Variants in ADAMTSL1 observed in about 807,000 individuals in gnomAD.
ADAMTSL1 encodes the protein ADAMTS like 1.
ADAMTSL1 carries 126 observed loss-of-function variants against 201.8 expected under a neutral mutation model. The ratio of observed to expected loss-of-function variants is 0.62; its 90% CI spans 0.54 to 0.72. The LOEUF (loss-of-function observed/expected upper bound fraction) is 0.72, where lower values mean the gene tolerates loss of function less well. Ranked by LOEUF, ADAMTSL1 falls within the 30% of genes least tolerant of loss-of-function variation. ADAMTSL1 has a pLI of 0.00. For synonymous variants in ADAMTSL1, 1,121 were observed against 903.4 expected, an observed-to-expected ratio of 1.24 and a Z score of -4.32; for missense variants, 2,679 against 2,277.8, an observed-to-expected ratio of 1.18 and a Z score of -3.59.
intron 2 of ADAMTSL1, among the ~76,000 whole-genome samples, chr9:18,411,864 C>G (rs1480251390): frequency 6.6e-6 from 1 of 152,140 alleles, no homozygotes; most frequent in African/African-American, 2.4e-5. Flanking sequence ...TTAATATAAT[C>G]TAATACCTAT....
At chr9:18,031,785 AT>A (rs1820967397) in intron 1 of ADAMTSL1, among the ~76,000 whole-genome samples, 1 of 152,136 alleles carries the variant, frequency 6.6e-6, no homozygotes, top group African/African-American at 2.4e-5. Flanking sequence ...CAAAGGTTAG[AT>A]TGCCAGGAAA....
chr9:18,532,638 A>G (rs932309321), intron 2 of ADAMTSL1, among the ~76,000 whole-genome samples: 2 of 151,922 alleles, frequency 1.3e-5, no homozygotes, highest in Non-Finnish European at 2.9e-5. Flanking sequence ...GATTTTTTTT[A>G]TTTATACTGG....
rs185499099 is a variant in ADAMTSL1, at chr9:17,945,982, A to T, written c.87+39060A>T. 6.5e-3 allele frequency among the ~76,000 whole-genome samples: 994 copies of T among 152,082 alleles called. 13 individuals are homozygous for T. The highest frequency in any genetic ancestry group is 0.023 in the African/African-American group (952 of 41,452). ...AAAGTATAATAATAATAATAAAAAAAAGAAAATCTTCCACCACATGTGATT... is the reference window on the plus strand; with the variant it reads ...AAAGTATAATAATAATAATAAAAAATAGAAAATCTTCCACCACATGTGATT... On this transcript the variant is annotated intron_variant, in intron 1 of 29. Coordinates refer to the ADAMTSL1 transcript ENST00000680146.
intron 2 of ADAMTSL1, among the ~76,000 whole-genome samples, chr9:18,325,744 GTT>G (rs768880998): frequency 9.3e-5 from 12 of 128,634 alleles, no homozygotes; most frequent in African/African-American, 2.8e-4. Context: ...AAGGACCTTT[GTT>G]TTTTTTTTTT....
At chr9:18,847,990 A>C (rs1379330620) in intron 23 of ADAMTSL1, among the ~76,000 whole-genome samples, 21 of 152,242 alleles carry the variant, frequency 1.4e-4, no homozygotes, top group Admixed American at 1.4e-3. Context: ...AGTTTATTGG[A>C]AACCATGTGG....
chr9:18,243,264 A>G (rs1223060289), intron 2 of ADAMTSL1, among the ~76,000 whole-genome samples: 1 of 152,124 alleles, frequency 6.6e-6, no homozygotes, highest in African/African-American at 2.4e-5. Flanking sequence ...GTGCTGGAAA[A>G]TGGTTGCCAC....
intron 15 of ADAMTSL1, chr9:18,723,201 C>G (rs41298157): frequency 1.0e-5 from 7 of 688,708 alleles, no homozygotes; most frequent in Non-Finnish European, 1.9e-5. Flanking sequence ...ATGACTTGCT[C>G]ACATGTCCCA....
chr9:18,012,914 T>C (rs1440150956), intron 1 of ADAMTSL1, among the ~76,000 whole-genome samples: 11 of 152,054 alleles, frequency 7.2e-5, no homozygotes, highest in Admixed American at 7.2e-4. Context: ...AAGTCTCTTT[T>C]CAGTTAGGAC....
intron 16 of ADAMTSL1, among the ~76,000 whole-genome samples, chr9:18,769,656 G>A (rs1220671331): frequency 2.0e-5 from 3 of 152,176 alleles, no homozygotes; most frequent in Non-Finnish European, 4.4e-5. Context: ...ATTCCAGCCA[G>A]CAGCGAGGAG....
chr9:18,383,151 T>G (rs75470893), intron 2 of ADAMTSL1, among the ~76,000 whole-genome samples: 448 of 152,260 alleles, frequency 2.9e-3, no homozygotes, highest in Non-Finnish European at 5.3e-3. Flanking sequence ...AATTCTATAT[T>G]ATAGGACTGT....
intron 14 of ADAMTSL1, among the ~76,000 whole-genome samples, chr9:18,711,623 G>A (rs578143338): frequency 6.6e-6 from 1 of 152,356 alleles, no homozygotes; most frequent in South Asian, 2.1e-4. Context: ...CTGATTGCTA[G>A]CACAGCAATC....
chr9:18,521,555 A>T (rs1818692193), intron 2 of ADAMTSL1, among the ~76,000 whole-genome samples: 1 of 152,012 alleles, frequency 6.6e-6, no homozygotes, highest in African/African-American at 2.4e-5. Context: ...CTCACTAGGG[A>T]TGCATACTGG....
chr9:18,533,814 T>C (rs945069530), intron 3 of ADAMTSL1, among the ~76,000 whole-genome samples: 1 of 152,142 alleles, frequency 6.6e-6, no homozygotes, highest in African/African-American at 2.4e-5. Flanking sequence ...AACCACATTC[T>C]AGGAAAAAAA....
At chr9:18,842,221 G>C (rs1825766792) in intron 23 of ADAMTSL1, among the ~76,000 whole-genome samples, 1 of 152,134 alleles carries the variant, frequency 6.6e-6, no homozygotes, top group Non-Finnish European at 1.5e-5. Context: ...GTGTTCAAGA[G>C]ATTCTGGTAT....
intron 16 of ADAMTSL1, among the ~76,000 whole-genome samples, chr9:18,759,603 CTT>C (rs974891035): frequency 6.6e-6 from 1 of 152,286 alleles, no homozygotes; most frequent in Middle Eastern, 3.4e-3. Flanking sequence ...GAAATGGACA[CTT>C]GATCCTATCT....
At chr9:18,584,410 T>C (rs942291546) in intron 4 of ADAMTSL1, among the ~76,000 whole-genome samples, 3 of 152,188 alleles carry the variant, frequency 2.0e-5, no homozygotes, top group Non-Finnish European at 1.5e-5. Flanking sequence ...TAAACCTCTT[T>C]CTTTTGTAAA....
intron 1 of ADAMTSL1, among the ~76,000 whole-genome samples, chr9:17,985,695 A>C (rs1037048539): frequency 6.6e-6 from 1 of 152,130 alleles, no homozygotes; most frequent in African/African-American, 2.4e-5. Flanking sequence ...CAATCTCTAA[A>C]TATCACATGG....
intron 14 of ADAMTSL1, among the ~76,000 whole-genome samples, chr9:18,712,810 C>A (rs918364039): frequency 8.6e-5 from 13 of 151,664 alleles, no homozygotes; most frequent in South Asian, 2.1e-4. Context: ...GATTCACCAA[C>A]ATTGAAATGA....
chr9:17,987,592 A>T (rs891472649), intron 1 of ADAMTSL1, among the ~76,000 whole-genome samples: 1 of 152,084 alleles, frequency 6.6e-6, no homozygotes, highest in Non-Finnish European at 1.5e-5. Context: ...AGGGCTGGGC[A>T]GGGAGACCCT....
Sources: gnomAD v4.1 joint callset for allele counts (sites outside exome capture counted in the v4.1 genomes callset) on GRCh38, gnomAD v4.1.1 for gene constraint, MANE v1.5 for transcripts, NCBI Gene and HGNC (gene_info 2026-07-23, HGNC 2026-07-21) for gene names.